ZNF521: variants seen among roughly 807,000 people sequenced by gnomAD.
ZNF521 encodes zinc finger protein 521.
Under a neutral mutation model 105.5 loss-of-function variants are expected in ZNF521, and 14 were observed. That is an observed-to-expected ratio of 0.13 (90% CI 0.09 to 0.21). ZNF521 has a LOEUF of 0.21. ZNF521 is among the 10% of genes least tolerant of loss of function. ZNF521 has a pLI of 1.00. For missense variants in ZNF521, 1,233 were observed against 1,629.7 expected (o/e 0.76, Z 4.19); for synonymous variants, 635 against 606.0 (o/e 1.05, Z -0.70).
chr18:25,215,792 G>C (rs1905288473), intron 4 of ZNF521, among the ~76,000 whole-genome samples: 1 of 152,100 alleles, frequency 6.6e-6, no homozygotes. Context: ...CACGGAACTG[G>C]GTAGAAAGCG....
At position 25,085,740 on chromosome 18, in the gene ZNF521, G is replaced by A. The variant is rs115507493; in HGVS notation, c.3906+3725C>T. Among the ~76,000 whole-genome samples, 822 of 150,668 alleles carry A rather than the reference G, an allele frequency of 5.5e-3. 12 individuals are homozygous for A. The highest frequency in any genetic ancestry group is 0.019 in the African/African-American group (792 of 40,988). ...AACATTCCCTCATATATATATATGC[G>A]CATATATACGCATATATATAAATTC... On this transcript the variant is annotated intron_variant, in intron 7 of 7. Transcript: ENST00000361524.
chr18:25,121,377 C>T (rs1186263283), intron 5 of ZNF521, among the ~76,000 whole-genome samples: 4 of 151,590 alleles, frequency 2.6e-5, no homozygotes, highest in African/African-American at 7.3e-5. Flanking sequence ...GCCTCAGCCT[C>T]GAGCAGCTGT....
chr18:25,303,390 T>G lies in ZNF521; in HGVS notation c.220+18618A>C, dbSNP rs947822721. On this transcript the variant is annotated intron_variant, in intron 3 of 7. Transcript: ENST00000361524. ...TTGGCTCACTGCAACCTCCGCCTTC[T>G]GGGTTCACGCCATTCTCCTGCCTCA... Among the ~76,000 whole-genome samples, 6 of 151,990 alleles carry G rather than the reference T, an allele frequency of 3.9e-5. No individual in the cohort carries two copies. In the East Asian group the frequency reaches 1.2e-3, roughly 29 times the overall value.
intron 3 of ZNF521, among the ~76,000 whole-genome samples, chr18:25,273,775 A>G (rs1909842989): frequency 6.6e-6 from 1 of 152,182 alleles, no homozygotes; most frequent in Non-Finnish European, 1.5e-5. Context: ...TTACTTTCTA[A>G]AAGTTTCTAC....
chr18:25,256,588 T>C (rs1456010398), intron 3 of ZNF521, among the ~76,000 whole-genome samples: 2 of 151,682 alleles, frequency 1.3e-5, no homozygotes, highest in Admixed American at 6.6e-5. Flanking sequence ...AGAAGTAGAG[T>C]TTCTGACTCT....
chr18:25,177,642 T>C (rs1041747011), intron 5 of ZNF521, among the ~76,000 whole-genome samples: 3 of 152,074 alleles, frequency 2.0e-5, no homozygotes, highest in African/African-American at 7.2e-5. Context: ...GTTTAAAAAA[T>C]ACATTTTAGA....
chr18:25,330,094 C>T (rs910887073), intron 2 of ZNF521, among the ~76,000 whole-genome samples: 6 of 152,104 alleles, frequency 3.9e-5, no homozygotes, highest in African/African-American at 1.4e-4. Flanking sequence ...TTCTCACTTA[C>T]CTAAATAGTG....
At chr18:25,316,273 T>A (rs1912609462) in intron 3 of ZNF521, among the ~76,000 whole-genome samples, 1 of 105,606 alleles carries the variant, frequency 9.5e-6, no homozygotes, top group African/African-American at 3.8e-5. Flanking sequence ...GAGAGGAAAA[T>A]CAGCAAAGAT....
intron 3 of ZNF521, among the ~76,000 whole-genome samples, chr18:25,256,119 G>A (rs981808794): frequency 1.3e-5 from 2 of 151,168 alleles, no homozygotes; most frequent in African/African-American, 2.4e-5. Flanking sequence ...CAACACAGAT[G>A]AACCTTGCAG....
intron 5 of ZNF521, among the ~76,000 whole-genome samples, chr18:25,171,053 A>G (rs907391872): frequency 6.6e-6 from 1 of 152,158 alleles, no homozygotes; most frequent in African/African-American, 2.4e-5. Context: ...ACAACTTAAA[A>G]TAATTGCATT....
intron 5 of ZNF521, among the ~76,000 whole-genome samples, chr18:25,144,113 C>T (rs993043404): frequency 1.3e-5 from 2 of 152,152 alleles, no homozygotes; most frequent in African/African-American, 4.8e-5. Context: ...AAAGGCAACT[C>T]CCACAGTGTA....
chr18:25,108,759 G>A (rs7239778), intron 5 of ZNF521, among the ~76,000 whole-genome samples: 72,321 of 151,488 alleles, frequency 0.48, 17,406 homozygotes, highest in South Asian at 0.66. Context: ...TGAGTAGCTG[G>A]GACTACAGGC....
At chr18:25,333,320 A>C (rs199776569) in intron 2 of ZNF521, among the ~76,000 whole-genome samples, 13,805 of 120,046 alleles carry the variant, frequency 0.11, 1,130 homozygotes, top group East Asian at 0.37. Context: ...CTCTCTATAT[A>C]TATATATATA....
rs933532545 is a variant in ZNF521 at position 25,188,276 on chromosome 18, C to T, written c.3658+6884G>A. Among the ~76,000 whole-genome samples, 34 of 152,240 alleles carry T rather than the reference C, an allele frequency of 2.2e-4. 1 individual carries two copies. In the East Asian group the frequency reaches 5.6e-3, roughly 25 times the overall value. Reference sequence around the variant, plus strand: ...TAGGCATAATTCTAAAGGTGACCTACGAAACCCCATCAGCTCACCAAATGC... The same window carrying T: ...TAGGCATAATTCTAAAGGTGACCTATGAAACCCCATCAGCTCACCAAATGC... On this transcript the variant is annotated intron_variant, in intron 5 of 7. Coordinates refer to ENST00000361524, the MANE Select transcript of ZNF521 (RefSeq NM_015461.3).
At chr18:25,293,461 C>T (rs754338488) in intron 3 of ZNF521, among the ~76,000 whole-genome samples, 1 of 152,078 alleles carries the variant, frequency 6.6e-6, no homozygotes, top group Admixed American at 6.6e-5. Flanking sequence ...TCAATCATTG[C>T]TCCAGGAGTA....
intron 3 of ZNF521, among the ~76,000 whole-genome samples, chr18:25,267,800 T>G (rs1455711107): frequency 6.6e-6 from 1 of 151,890 alleles, no homozygotes; most frequent in East Asian, 1.9e-4. Flanking sequence ...AGACCAAAGG[T>G]AGATAAATCC....
intron 3 of ZNF521, among the ~76,000 whole-genome samples, chr18:25,266,344 T>C (rs62083933): frequency 6.6e-6 from 1 of 152,210 alleles, no homozygotes; most frequent in Non-Finnish European, 1.5e-5. Flanking sequence ...AAAACAATTT[T>C]ATTAGAAAAG....
chr18:25,350,304 GC>G (rs1368848116), intron 2 of ZNF521, among the ~76,000 whole-genome samples: 4 of 151,788 alleles, frequency 2.6e-5, no homozygotes, highest in African/African-American at 4.8e-5. Context: ...GTGCTCTGAG[GC>G]CCGAGCCGGG....
intron 5 of ZNF521, among the ~76,000 whole-genome samples, chr18:25,193,218 G>C (rs2035848403): frequency 6.6e-6 from 1 of 151,998 alleles, no homozygotes; most frequent in South Asian, 2.1e-4. Context: ...AAAACAAACT[G>C]ATTAATGTTT....
Sources: gnomAD v4.1 joint callset for allele counts (sites outside exome capture counted in the v4.1 genomes callset) on GRCh38, gnomAD v4.1.1 for gene constraint, MANE v1.5 for transcripts, NCBI Gene and HGNC (gene_info 2026-07-23, HGNC 2026-07-21) for gene names.